The following IGSF11 variants were observed in gnomAD, a reference collection of about 807,000 sequenced individuals.
IGSF11 encodes the protein immunoglobulin superfamily member 11, also known as CXADR like 1.
In IGSF11, 22 loss-of-function variants were observed where a neutral mutation model predicts 41.0. The observed-to-expected ratio is 0.54, with a 90% CI of 0.38 to 0.77. The LOEUF (loss-of-function observed/expected upper bound fraction) is 0.77, where lower values mean the gene tolerates loss of function less well. Among genes scored for constraint, IGSF11 ranks in the 30% least tolerant of loss-of-function variants. The pLI is 0.00. For missense variants in IGSF11, 444 were observed against 530.8 expected (o/e 0.84, Z 1.61); for synonymous variants, 219 against 201.3 (o/e 1.09, Z -0.74).
intron 1 of IGSF11, among the ~76,000 whole-genome samples, chr3:119,051,422 A>C (rs955154780): frequency 1.4e-4 from 22 of 152,156 alleles, no homozygotes; most frequent in African/African-American, 5.3e-4. Flanking sequence ...CCAACAGGAA[A>C]ATATCACAAT....
chr3:118,903,282 T>C (rs1939140655), intron 6 of IGSF11, among the ~76,000 whole-genome samples: 1 of 152,048 alleles, frequency 6.6e-6, no homozygotes, highest in Non-Finnish European at 1.5e-5. Context: ...CATAAATATG[T>C]TTATATATCA....
chr3:119,043,915 C>G (rs1021585126), intron 1 of IGSF11, among the ~76,000 whole-genome samples: 1 of 152,086 alleles, frequency 6.6e-6, no homozygotes, highest in East Asian at 1.9e-4. Context: ...GAACAGCAGC[C>G]CTTGAGTTCC....
intron 1 of IGSF11, among the ~76,000 whole-genome samples, chr3:119,057,151 G>C (rs1941874112): frequency 6.6e-6 from 1 of 152,058 alleles, no homozygotes; most frequent in Admixed American, 6.5e-5. Context: ...GGAAATAAAG[G>C]GTATTCAATT....
chr3:118,950,627 T>A (rs908629559), intron 1 of IGSF11, among the ~76,000 whole-genome samples: 1 of 151,936 alleles, frequency 6.6e-6, no homozygotes, highest in African/African-American at 2.4e-5. Flanking sequence ...TGTATCTATA[T>A]AATAGATACA....
intron 1 of IGSF11, among the ~76,000 whole-genome samples, chr3:119,068,766 T>C (rs1942306398): frequency 6.6e-6 from 1 of 152,154 alleles, no homozygotes; most frequent in South Asian, 2.1e-4. Context: ...AGCAGAACAG[T>C]ATTTTAAAAT....
intron 1 of IGSF11, among the ~76,000 whole-genome samples, chr3:118,970,894 A>G (rs989391844): frequency 1.3e-5 from 2 of 152,178 alleles, no homozygotes; most frequent in African/African-American, 4.8e-5. Flanking sequence ...TGAAAAAAAA[A>G]ATGTTTAGCT....
intron 1 of IGSF11, among the ~76,000 whole-genome samples, chr3:119,009,594 G>A (rs1937854964): frequency 6.6e-6 from 1 of 152,188 alleles, no homozygotes; most frequent in Non-Finnish European, 1.5e-5. Context: ...CCCAAGCAAT[G>A]TGGAACTGTC....
chr3:119,104,056 G>A (rs1416776705), intron 1 of IGSF11, among the ~76,000 whole-genome samples: 1 of 152,054 alleles, frequency 6.6e-6, no homozygotes, highest in East Asian at 1.9e-4. Flanking sequence ...GAGAATAGGA[G>A]GACAGTACCG....
intron 1 of IGSF11, among the ~76,000 whole-genome samples, chr3:119,048,760 C>T (rs1359738774): frequency 6.6e-6 from 1 of 151,996 alleles, no homozygotes; most frequent in African/African-American, 2.4e-5. Context: ...AAAATACTGG[C>T]AAACCGAATC....
At chr3:119,051,373 A>C (rs1461258113) in intron 1 of IGSF11, among the ~76,000 whole-genome samples, 1 of 152,000 alleles carries the variant, frequency 6.6e-6, no homozygotes. Context: ...CAGTTAAAAA[A>C]AATAAAGAGG....
chr3:119,112,581 T>C (rs2077194916), intron 1 of IGSF11: 1 of 152,752 alleles, frequency 6.5e-6, no homozygotes, highest in Non-Finnish European at 1.5e-5. Context: ...CTTTGGCTCG[T>C]GCATGGTACG....
rs1354573207 is a variant in IGSF11, at chr3:119,001,478, T to A, written c.52+33053A>T. On this transcript the variant is annotated intron_variant, in intron 1 of 6. Transcript: ENST00000393775. The stretch of plus-strand genomic sequence containing the variant: ...TGGCCCCAGGTTTTCTTTTTTTTTT[T>A]TTTTTATTATACTTTAAGTTTTAGG... Among the ~76,000 whole-genome samples the A allele has an allele frequency of 3.3e-5, 5 of 150,420 alleles. 1 individual carries two copies. The highest frequency in any genetic ancestry group is 1.9e-4 in the East Asian group (1 of 5,160).
At chr3:118,997,185 G>A (rs1249697049) in intron 1 of IGSF11, among the ~76,000 whole-genome samples, 2 of 151,974 alleles carry the variant, frequency 1.3e-5, no homozygotes, top group African/African-American at 4.8e-5. Context: ...ACTATTTCAG[G>A]GCTAAACAGT....
At position 118,902,700 on chromosome 3, in the gene IGSF11, CAG is replaced by C. The variant is rs1332241623; in HGVS notation, c.1114_1115del (p.Leu372GlyfsTer22). ...ATGACCCTCTGTTGGCTGTCACTAC[CAG>C]AGTCTTATGTTGACCCGGGACCAGA... is the stretch of plus-strand genomic sequence containing the variant. ...THLVPGQHKT[L>X]VVTANRGSSP... On this transcript the variant is annotated frameshift_variant, in exon 7 of 7. Transcript: ENST00000393775. LOFTEE classifies it high-confidence loss of function. 1.2e-6 allele frequency: 2 copies of C among 1,614,022 alleles called. No homozygotes were observed. The highest frequency in any genetic ancestry group is 1.7e-6 in the Non-Finnish European group (2 of 1,180,018).
intron 1 of IGSF11, among the ~76,000 whole-genome samples, chr3:119,028,549 C>T (rs150268925): frequency 1.2e-3 from 175 of 152,118 alleles, no homozygotes; most frequent in African/African-American, 4.2e-3. Context: ...GCCAAAAGTC[C>T]AAGATCATTC....
At chr3:119,097,386 T>C (rs1001158222) in intron 1 of IGSF11, among the ~76,000 whole-genome samples, 7 of 151,886 alleles carry the variant, frequency 4.6e-5, no homozygotes, top group African/African-American at 7.3e-5. Flanking sequence ...TTAGGAAGAG[T>C]AAATTTGGCA....
At chr3:118,925,104 A>G (rs1185546085) in intron 4 of IGSF11, among the ~76,000 whole-genome samples, 1 of 152,180 alleles carries the variant, frequency 6.6e-6, no homozygotes. Context: ...TTTTTTTTAA[A>G]TGATGAATTT....
chr3:118,982,623 C>T (rs1372909670), intron 1 of IGSF11, among the ~76,000 whole-genome samples: 1 of 152,040 alleles, frequency 6.6e-6, no homozygotes, highest in Non-Finnish European at 1.5e-5. Flanking sequence ...AATTAATGTT[C>T]CTTTTTTAAC....
intron 1 of IGSF11, among the ~76,000 whole-genome samples, chr3:118,952,498 G>A (rs1360984451): frequency 6.6e-6 from 1 of 152,100 alleles, no homozygotes; most frequent in African/African-American, 2.4e-5. Flanking sequence ...TTCACCAGGA[G>A]TAGATTCCAT....
Sources: allele counts gnomAD v4.1 joint callset (sites outside exome capture counted in the v4.1 genomes callset), GRCh38; gene constraint gnomAD v4.1.1; transcripts MANE v1.5; gene names NCBI Gene and HGNC (gene_info 2026-07-23, HGNC 2026-07-21).